CDH7: variants seen among roughly 807,000 people sequenced by gnomAD.
CDH7 encodes cadherin-7.
Under a neutral mutation model 71.8 loss-of-function variants are expected in CDH7, and 25 were observed. The observed-to-expected ratio is 0.35, with a 90% CI of 0.25 to 0.49. The LOEUF is 0.49. Among genes scored for constraint, CDH7 ranks in the 20% least tolerant of loss-of-function variants. CDH7 has a pLI of 0.99. For missense variants in CDH7, 862 were observed against 974.6 expected (o/e 0.88, Z 1.54); for synonymous variants, 381 against 363.8 (o/e 1.05, Z -0.54).
At chr18:65,767,803 A>AC (rs1916421227) in intron 2 of CDH7, among the ~76,000 whole-genome samples, 1 of 152,232 alleles carries the variant, frequency 6.6e-6, no homozygotes, top group Admixed American at 6.5e-5. Context: ...AGTTATATTC[A>AC]GCTCTTATAA....
intron 2 of CDH7, among the ~76,000 whole-genome samples, chr18:65,770,707 C>T (rs1916515904): frequency 1.3e-5 from 2 of 152,084 alleles, no homozygotes; most frequent in African/African-American, 4.8e-5. Flanking sequence ...AATGGAACAG[C>T]ATTAGAATTA....
intron 1 of CDH7, among the ~76,000 whole-genome samples, chr18:65,761,866 C>T (rs1485092597): frequency 6.6e-6 from 1 of 152,178 alleles, no homozygotes; most frequent in Non-Finnish European, 1.5e-5. Flanking sequence ...CAGCTGTTTT[C>T]TCACTCTTCT....
intron 7 of CDH7, among the ~76,000 whole-genome samples, chr18:65,846,535 C>T (rs554271362): frequency 1.5e-4 from 23 of 152,222 alleles, no homozygotes; most frequent in African/African-American, 4.6e-4. Context: ...AGTTTTTACA[C>T]GATTTTCATA....
At chr18:65,781,784 T>TA (rs1568181325) in intron 2 of CDH7, among the ~76,000 whole-genome samples, 26 of 64,100 alleles carry the variant, frequency 4.1e-4, no homozygotes, top group East Asian at 1.3e-3. Context: ...CCTTCCTTCC[T>TA]TCCTTCCTTC....
intron 1 of CDH7, among the ~76,000 whole-genome samples, chr18:65,761,967 T>C (rs2143785967): frequency 6.6e-6 from 1 of 152,236 alleles, no homozygotes; most frequent in Non-Finnish European, 1.5e-5. Context: ...TAAATAATTG[T>C]AAAATAGCAA....
At chr18:65,764,578 C>G (rs1250005021) in intron 2 of CDH7, among the ~76,000 whole-genome samples, 1 of 151,984 alleles carries the variant, frequency 6.6e-6, no homozygotes, top group Non-Finnish European at 1.5e-5. Flanking sequence ...GAAACTAGCT[C>G]TTAATTTCAT....
intron 11 of CDH7, among the ~76,000 whole-genome samples, chr18:65,868,433 G>C (rs1913831313): frequency 6.6e-6 from 1 of 152,076 alleles, no homozygotes; most frequent in Admixed American, 6.5e-5. Context: ...CCAAACACAG[G>C]GAAGCCTGCC....
chr18:65,752,542 G>A (rs1257776035), intron 1 of CDH7, among the ~76,000 whole-genome samples: 1 of 152,144 alleles, frequency 6.6e-6, no homozygotes, highest in Non-Finnish European at 1.5e-5. Context: ...GGTTTACCTA[G>A]GATATTTTCT....
intron 1 of CDH7, among the ~76,000 whole-genome samples, chr18:65,758,593 T>C (rs1333982042): frequency 6.6e-6 from 1 of 152,208 alleles, no homozygotes; most frequent in Admixed American, 6.5e-5. Context: ...CGTCCTCTGA[T>C]AATATACACA....
At chr18:65,810,327 A>C (rs890969822) in intron 3 of CDH7, among the ~76,000 whole-genome samples, 1 of 152,176 alleles carries the variant, frequency 6.6e-6, no homozygotes, top group African/African-American at 2.4e-5. Flanking sequence ...GAAGTTAACA[A>C]ACAGAATTCT....
At chr18:65,858,895 T>C (rs1913460666) in intron 8 of CDH7, 30 bp from the exon 9 acceptor site, 1 of 1,601,478 alleles carries the variant, frequency 6.2e-7, no homozygotes, top group African/African-American at 1.3e-5. Flanking sequence ...GGGCAAAGAG[T>C]AAATGATAAG....
chr18:65,853,922 T>TATATATATATAC (rs1568221052), intron 7 of CDH7, among the ~76,000 whole-genome samples: 3 of 75,808 alleles, frequency 4.0e-5, no homozygotes, highest in African/African-American at 1.8e-4. Context: ...TATATATATA[T>TATATATATATAC]ATATATATAT....
chr18:65,750,915 A>C (rs1462623808), upstream of CDH7: 1 of 152,092 alleles, frequency 6.6e-6, no homozygotes, highest in African/African-American at 2.4e-5. Context: ...CCGGCGCCCG[A>C]GGCCGGGGCA....
At chr18:65,870,023 G>T (rs532376244) in intron 11 of CDH7, among the ~76,000 whole-genome samples, 1 of 152,204 alleles carries the variant, frequency 6.6e-6, no homozygotes, top group East Asian at 1.9e-4. Context: ...CAGATTAAAA[G>T]AATTTAAATG....
chr18:65,822,590 AGTT>A (rs1352668681), intron 5 of CDH7, among the ~76,000 whole-genome samples: 1 of 152,028 alleles, frequency 6.6e-6, no homozygotes, highest in Non-Finnish European at 1.5e-5. Context: ...TAAATTATAA[AGTT>A]GTTGCCAATT....
At chr18:65,758,367 T>C (rs1400023331) in intron 1 of CDH7, among the ~76,000 whole-genome samples, 1 of 152,220 alleles carries the variant, frequency 6.6e-6, no homozygotes, top group Non-Finnish European at 1.5e-5. Flanking sequence ...TGTGAAAGAC[T>C]GATAAGGAAA....
chr18:65,751,619 T>C (rs2085863274), intron 1 of CDH7, among the ~76,000 whole-genome samples: 1 of 152,226 alleles, frequency 6.6e-6, no homozygotes, highest in Non-Finnish European at 1.5e-5. Context: ...GCAGGAGTCC[T>C]TTGAACCATT....
At position 65,781,850 on chromosome 18, in the gene CDH7, C is replaced by CTT. The variant is rs1480652600; in HGVS notation, c.210+18800_210+18801dup. 1.6e-4 allele frequency among the ~76,000 whole-genome samples: 15 copies of CTT among 91,068 alleles called. 2 individuals are homozygous for CTT. Among genetic ancestry groups the CTT allele is most frequent in the Non-Finnish European group, 2.4e-4 (12 of 49,338 alleles). The allele number at this position is 91,068 out of a possible 152,430, so 59.7% of individuals were successfully genotyped here. A position where few individuals can be genotyped will look rare whatever the true frequency, so the allele number is the denominator to read the frequency against. On this transcript the variant is annotated intron_variant, in intron 2 of 11. Coordinates refer to ENST00000397968, the MANE Select transcript of CDH7 (RefSeq NM_004361.5). ...TCTTTCTTTCTTTCTTTCTTTCTTTCTTTCTTTCTTTCTTTCTCTCTCTCT... is the reference window on the plus strand; with the variant it reads ...TCTTTCTTTCTTTCTTTCTTTCTTTCTTTTTCTTTCTTTCTTTCTCTCTCTCT...
chr18:65,777,130 G>A (rs1485512589), intron 2 of CDH7, among the ~76,000 whole-genome samples: 2 of 152,080 alleles, frequency 1.3e-5, no homozygotes, highest in Non-Finnish European at 2.9e-5. Context: ...GAAGATCAGA[G>A]ATGATTTTTC....
Sources: allele counts gnomAD v4.1 joint callset (sites outside exome capture counted in the v4.1 genomes callset), GRCh38; gene constraint gnomAD v4.1.1; transcripts MANE v1.5; gene names NCBI Gene and HGNC (gene_info 2026-07-23, HGNC 2026-07-21).